The following TSHZ2 variants were observed in gnomAD, a reference collection of about 807,000 sequenced individuals.
The protein encoded by TSHZ2 is teashirt homolog 2.
TSHZ2 carries 21 observed loss-of-function variants against 74.4 expected under a neutral mutation model. The ratio of observed to expected loss-of-function variants is 0.28; its 90% CI spans 0.20 to 0.41. The LOEUF (loss-of-function observed/expected upper bound fraction) is 0.41. Ranked by LOEUF, TSHZ2 falls within the 10% of genes least tolerant of loss-of-function variation. TSHZ2 has a pLI of 1.00. For missense variants in TSHZ2, 1,244 were observed against 1,293.5 expected (o/e 0.96, Z 0.59); for synonymous variants, 540 against 515.3 (o/e 1.05, Z -0.65).
chr20:53,429,401 G>A (rs1280444289), intron 2 of TSHZ2, among the ~76,000 whole-genome samples: 1 of 152,236 alleles, frequency 6.6e-6, no homozygotes, highest in Admixed American at 6.5e-5. Context: ...GGGGAACCCA[G>A]TGGGAGGTAA....
At chr20:53,260,418 C>T (rs959874356) in intron 2 of TSHZ2, among the ~76,000 whole-genome samples, 2 of 152,134 alleles carry the variant, frequency 1.3e-5, no homozygotes, top group Non-Finnish European at 2.9e-5. Flanking sequence ...CGTTCCACAG[C>T]AAGCACTGTG....
chr20:53,489,139 G>T lies in TSHZ2; in HGVS notation c.*2004G>T, dbSNP rs773570804. The stretch of plus-strand genomic sequence containing the variant: ...GGAAAAATAGCAACAGTACAACGGG[G>T]TGGCTTTTATGGGATTTACTCATGG... On this transcript the variant is annotated 3_prime_UTR_variant, in exon 3 of 3. Transcript: ENST00000371497. The T allele has an allele frequency of 1.1e-4, 49 of 456,150 alleles. No homozygotes were observed. Among genetic ancestry groups the T allele is most frequent in the Admixed American group, 9.4e-5 (4 of 42,552 alleles). 28.3% of individuals were successfully genotyped at this position (456,150 alleles called of 1,614,324 possible).
chr20:53,280,137 G>A (rs1991026524), intron 2 of TSHZ2, among the ~76,000 whole-genome samples: 1 of 152,278 alleles, frequency 6.6e-6, no homozygotes, highest in South Asian at 2.1e-4. Context: ...GGAATGGATT[G>A]CACACAGGAC....
chr20:53,073,750 C>T (rs532804498), intron 1 of TSHZ2, among the ~76,000 whole-genome samples: 74 of 151,698 alleles, frequency 4.9e-4, no homozygotes, highest in African/African-American at 1.3e-3. Context: ...AACTCCATTC[C>T]GTCAAGTTAA....
At chr20:53,222,478 G>A (rs985231736) in intron 1 of TSHZ2, among the ~76,000 whole-genome samples, 4 of 152,186 alleles carry the variant, frequency 2.6e-5, no homozygotes, top group Non-Finnish European at 4.4e-5. Flanking sequence ...TGAAGAAGGC[G>A]TGCCACTCTA....
At chr20:53,480,138 G>A (rs544995593) in intron 2 of TSHZ2, among the ~76,000 whole-genome samples, 2 of 148,538 alleles carry the variant, frequency 1.3e-5, no homozygotes, top group South Asian at 2.1e-4. Context: ...ATGTGATCTC[G>A]ACTCACTGCA....
chr20:53,405,248 C>CAAAAAAAAAAAAA (rs796097312), intron 2 of TSHZ2, among the ~76,000 whole-genome samples: 2,246 of 142,578 alleles, frequency 0.016, 98 homozygotes, highest in African/African-American at 0.046. Flanking sequence ...GACTCTGTCT[C>CAAAAAAAAAAAAA]AAAAAAAAAA....
intron 1 of TSHZ2, among the ~76,000 whole-genome samples, chr20:53,181,247 T>G (rs1235597639): frequency 6.6e-5 from 10 of 152,182 alleles, no homozygotes. Context: ...TGGGTGTGTT[T>G]GTTCCTTATC....
chr20:53,138,519 T>C (rs1303709773), intron 1 of TSHZ2, among the ~76,000 whole-genome samples: 1 of 152,114 alleles, frequency 6.6e-6, no homozygotes, highest in East Asian at 1.9e-4. Context: ...CTTAGTCACA[T>C]CAAACACTCG....
intron 1 of TSHZ2, among the ~76,000 whole-genome samples, chr20:53,021,464 T>C (rs1022051109): frequency 6.6e-6 from 1 of 152,186 alleles, no homozygotes; most frequent in Non-Finnish European, 1.5e-5. Context: ...CTGAATCAAA[T>C]TGGGTTTGCC....
At chr20:53,397,875 G>A (rs1224511384) in intron 2 of TSHZ2, 1 of 152,062 alleles carries the variant, frequency 6.6e-6, no homozygotes, top group East Asian at 1.9e-4. Context: ...CTATCGCAAG[G>A]ACAGAAAACC....
chr20:53,057,064 C>T (rs1447150138), intron 1 of TSHZ2, among the ~76,000 whole-genome samples: 1 of 152,134 alleles, frequency 6.6e-6, no homozygotes. Context: ...CTCATGAGAT[C>T]TGATGGTTTC....
At chr20:53,340,184 C>CTTTTTTTTTT (rs557613827) in intron 2 of TSHZ2, among the ~76,000 whole-genome samples, 13,513 of 105,524 alleles carry the variant, frequency 0.13, 1,714 homozygotes, top group South Asian at 0.19. Flanking sequence ...TTTCTTTTTT[C>CTTTTTTTTTT]TTTTTTTTTT....
chr20:52,994,003 CA>C (rs2122929098), intron 1 of TSHZ2, among the ~76,000 whole-genome samples: 1 of 152,244 alleles, frequency 6.6e-6, no homozygotes, highest in Admixed American at 6.5e-5. Flanking sequence ...CCAAGAATAA[CA>C]CAAAAGAGGC....
At chr20:53,229,584 C>T (rs77684011) in intron 1 of TSHZ2, among the ~76,000 whole-genome samples, 5,650 of 152,220 alleles carry the variant, frequency 0.037, 241 homozygotes, top group East Asian at 0.21. Context: ...CCAGTACACA[C>T]GGTAGGGGCT....
chr20:53,017,363 C>G (rs1291471630), intron 1 of TSHZ2, among the ~76,000 whole-genome samples: 1 of 152,180 alleles, frequency 6.6e-6, no homozygotes, highest in Non-Finnish European at 1.5e-5. Flanking sequence ...GTCTTTCTCC[C>G]TGAGGATCTC....
At chr20:53,177,898 TG>T (rs1600725965) in intron 1 of TSHZ2, among the ~76,000 whole-genome samples, 1 of 152,152 alleles carries the variant, frequency 6.6e-6, no homozygotes, top group East Asian at 1.9e-4. Flanking sequence ...ATCTGTAAAA[TG>T]GGGATCACAG....
intron 1 of TSHZ2, among the ~76,000 whole-genome samples, chr20:53,205,599 GC>G (rs1307542588): frequency 6.6e-6 from 1 of 152,092 alleles, no homozygotes; most frequent in African/African-American, 2.4e-5. Context: ...GCAGGGTTAG[GC>G]CTTTACCTAC....
At chr20:53,248,537 G>C (rs531422021) in intron 1 of TSHZ2, among the ~76,000 whole-genome samples, 24 of 152,112 alleles carry the variant, frequency 1.6e-4, no homozygotes, top group Non-Finnish European at 2.9e-4. Context: ...TCAGGGGAAG[G>C]CTACTCTAAT....
Sources: allele counts gnomAD v4.1 joint callset (sites outside exome capture counted in the v4.1 genomes callset), GRCh38; gene constraint gnomAD v4.1.1; transcripts MANE v1.5; gene names NCBI Gene and HGNC (gene_info 2026-07-23, HGNC 2026-07-21).